The following CA10 variants were observed in gnomAD, a reference collection of about 807,000 sequenced individuals.
CA10 encodes carbonic anhydrase-related protein 10.
Under a neutral mutation model 44.2 loss-of-function variants are expected in CA10, and 14 were observed. The ratio of observed to expected loss-of-function variants is 0.32; its 90% CI spans 0.21 to 0.50. The LOEUF is 0.50. Ranked by LOEUF, CA10 falls within the 20% of genes least tolerant of loss-of-function variation. CA10 has a pLI of 0.99. For missense variants in CA10, 350 were observed against 409.7 expected (o/e 0.85, Z 1.26); for synonymous variants, 159 against 141.6 (o/e 1.12, Z -0.87).
chr17:52,078,119 T>G (rs1987866393), intron 1 of CA10, among the ~76,000 whole-genome samples: 1 of 152,230 alleles, frequency 6.6e-6, no homozygotes, highest in Admixed American at 6.5e-5. Context: ...CAGAGCTTAC[T>G]GCTCCAAGTC....
intron 3 of CA10, among the ~76,000 whole-genome samples, chr17:51,775,931 G>A (rs1905801106): frequency 6.6e-6 from 1 of 152,170 alleles, no homozygotes; most frequent in Non-Finnish European, 1.5e-5. Flanking sequence ...CATATGGCAA[G>A]ATGCAGCTGG....
rs1043561 is a variant in CA10 at position 51,631,327 on chromosome 17, T to A, written c.*257A>T. 196,377 of 422,280 alleles carry A rather than the reference T, an allele frequency of 0.47. 43,435 individuals are homozygous for A. Among genetic ancestry groups the A allele is most frequent in the South Asian group, 0.57 (13,794 of 24,168 alleles). The allele number at this position is 422,280 out of a possible 1,614,324, so 26.2% of individuals were successfully genotyped here. ...CTTCCCATGATGGAGGTTGTAAGAGTGTGTGTGTGTGTAGGTATGTTTGCA... is the reference window on the plus strand; with the variant it reads ...CTTCCCATGATGGAGGTTGTAAGAGAGTGTGTGTGTGTAGGTATGTTTGCA... On this transcript the variant is annotated 3_prime_UTR_variant, in exon 9 of 9. Coordinates refer to ENST00000451037, the MANE Select transcript of CA10 (RefSeq NM_020178.5).
chr17:52,090,975 A>G (rs2143209900), intron 1 of CA10, among the ~76,000 whole-genome samples: 1 of 152,342 alleles, frequency 6.6e-6, no homozygotes, highest in East Asian at 1.9e-4. Flanking sequence ...TAAACTTACA[A>G]ATAACAGGAT....
intron 3 of CA10, among the ~76,000 whole-genome samples, chr17:51,832,175 G>A (rs909366308): frequency 6.6e-6 from 1 of 152,196 alleles, no homozygotes; most frequent in Non-Finnish European, 1.5e-5. Context: ...TTCTTCATCT[G>A]TAATGTGGGG....
chr17:51,703,158 C>A lies in CA10; in HGVS notation c.465+44475G>T, dbSNP rs114868631. On this transcript the variant is annotated intron_variant, in intron 4 of 8. Coordinates refer to ENST00000451037, the MANE Select transcript of CA10 (RefSeq NM_020178.5). ...TGAATGAGGTCCCTAGTTTCATGCT[C>A]GGAGGGCAAAGAGGAATGTCCAATT... 6.9e-3 allele frequency among the ~76,000 whole-genome samples: 1,043 copies of A among 152,070 alleles called. 16 individuals are homozygous for A. The highest frequency in any genetic ancestry group is 0.024 in the African/African-American group (1,006 of 41,472).
intron 4 of CA10, among the ~76,000 whole-genome samples, chr17:51,718,063 G>C (rs997308331): frequency 4.0e-5 from 6 of 149,438 alleles, no homozygotes; most frequent in Non-Finnish European, 8.9e-5. Context: ...TGGGGACTTG[G>C]GGGGAAGAGG....
chr17:51,878,914 ATGTG>A (rs1567870943), intron 3 of CA10, among the ~76,000 whole-genome samples: 1 of 44,758 alleles, frequency 2.2e-5, no homozygotes, highest in East Asian at 5.7e-4. Context: ...GTGTGTGTGT[ATGTG>A]TGTATGTGTG....
intron 3 of CA10, among the ~76,000 whole-genome samples, chr17:51,859,084 CTAGT>C (rs1339295095): frequency 6.6e-6 from 1 of 151,870 alleles, no homozygotes; most frequent in Non-Finnish European, 1.5e-5. Flanking sequence ...TTAACATAAG[CTAGT>C]TAATTATAAT....
intron 3 of CA10, among the ~76,000 whole-genome samples, chr17:51,884,261 C>T (rs1160790530): frequency 6.6e-6 from 1 of 152,186 alleles, no homozygotes; most frequent in African/African-American, 2.4e-5. Context: ...CAGAGTGATG[C>T]TGTAAAACTC....
At chr17:52,030,401 T>C (rs1400552543) in intron 2 of CA10, among the ~76,000 whole-genome samples, 1 of 150,838 alleles carries the variant, frequency 6.6e-6, no homozygotes, top group Non-Finnish European at 1.5e-5. Context: ...GAGGAGGAGG[T>C]GGGACAGGGA....
chr17:51,855,780 A>G (rs1171488193), intron 3 of CA10, among the ~76,000 whole-genome samples: 1 of 152,244 alleles, frequency 6.6e-6, no homozygotes, highest in Admixed American at 6.5e-5. Flanking sequence ...GTTGCAATTA[A>G]TTCCTTAAAT....
intron 2 of CA10, among the ~76,000 whole-genome samples, chr17:52,044,547 A>G (rs1348333685): frequency 6.6e-6 from 1 of 151,766 alleles, no homozygotes; most frequent in African/African-American, 2.4e-5. Context: ...CAAGCCCTCC[A>G]CCCACCTCGG....
In CA10 at chr17:52,017,171, A is replaced by G. The variant is rs1985994770; in HGVS notation, c.136+55148T>C. On this transcript the variant is annotated intron_variant, in intron 2 of 8. Transcript: ENST00000451037. The stretch of plus-strand genomic sequence containing the variant: ...GCCATGCAAAGCAGACTACCACAGA[A>G]AATTCATACTGTGGTATGGAGCACT... Among the ~76,000 whole-genome samples the G allele has an allele frequency of 2.0e-5, 3 of 152,148 alleles. No homozygotes were observed. In the South Asian group the frequency reaches 6.2e-4, roughly 32 times the overall value.
chr17:51,644,799 G>GA (rs1913250181), intron 6 of CA10, among the ~76,000 whole-genome samples: 2 of 120,986 alleles, frequency 1.7e-5, no homozygotes, highest in South Asian at 6.2e-4. Flanking sequence ...ACATTTCTTG[G>GA]CTTTTTTTTT....
intron 2 of CA10, among the ~76,000 whole-genome samples, chr17:52,000,849 G>C (rs369767700): frequency 7.4e-6 from 1 of 135,902 alleles, no homozygotes; most frequent in African/African-American, 2.7e-5. Context: ...TCTCTATGTT[G>C]TATCAAGTTA....
chr17:52,128,642 C>T (rs1397428822), intron 1 of CA10, among the ~76,000 whole-genome samples: 1 of 152,180 alleles, frequency 6.6e-6, no homozygotes, highest in Non-Finnish European at 1.5e-5. Flanking sequence ...GTTAATTTAT[C>T]TGATACGTTA....
intron 8 of CA10, among the ~76,000 whole-genome samples, chr17:51,632,854 A>G (rs1196323014): frequency 6.6e-6 from 1 of 152,232 alleles, no homozygotes; most frequent in Non-Finnish European, 1.5e-5. Flanking sequence ...ACAGAGTTAC[A>G]GGAGGCAGAT....
At chr17:52,081,211 T>C (rs1313287163) in intron 1 of CA10, among the ~76,000 whole-genome samples, 2 of 152,154 alleles carry the variant, frequency 1.3e-5, no homozygotes, top group Non-Finnish European at 2.9e-5. Flanking sequence ...ACATATGAGA[T>C]TGTATGACAG....
chr17:51,664,710 G>T (rs1914147461), intron 4 of CA10, among the ~76,000 whole-genome samples: 1 of 151,946 alleles, frequency 6.6e-6, no homozygotes, highest in African/African-American at 2.4e-5. Flanking sequence ...GCTGAGAAAG[G>T]CTCTGAAAGC....
Sources: allele counts gnomAD v4.1 joint callset (sites outside exome capture counted in the v4.1 genomes callset), GRCh38; gene constraint gnomAD v4.1.1; transcripts MANE v1.5; gene names NCBI Gene and HGNC (gene_info 2026-07-23, HGNC 2026-07-21).